Variants in BIRC7 observed in about 807,000 individuals in gnomAD.
BIRC7 encodes the protein baculoviral IAP repeat containing 7.
BIRC7 carries 26 observed loss-of-function variants against 33.2 expected under a neutral mutation model. The observed-to-expected ratio is 0.78, with a 90% CI of 0.57 to 1.09. BIRC7 has a LOEUF of 1.09. Among genes scored for constraint, BIRC7 ranks in the 50% least tolerant of loss-of-function variants. The probability of loss-of-function intolerance (pLI) is 0.00; values close to 1 mark genes in which losing one functional copy is unlikely to be tolerated. For synonymous variants in BIRC7, 176 were observed against 171.0 expected (o/e 1.03, Z -0.23); for missense variants, 409 against 401.2 (o/e 1.02, Z -0.17).
At chr20:63,238,857 A>G in intron 4 of BIRC7, 2 of 642,046 alleles carry the variant, frequency 3.1e-6, no homozygotes. Flanking sequence ...CCTTGGGCAC[A>G]GCCCATTGCC....
At position 63,239,441 on chromosome 20, in the gene BIRC7, C is replaced by T. The variant is rs747763479; in HGVS notation, c.733C>T (p.Arg245Trp). ...CAGGGATGTGGAGGCGCAGCTGCGGCGGCTGCAGGAGGAGAGGACGTGCAA... is the reference window on the plus strand; with the variant it reads ...CAGGGATGTGGAGGCGCAGCTGCGGTGGCTGCAGGAGGAGAGGACGTGCAA... ...GARDVEAQLR[R>W]LQEERTCKVC... Residue 245 changes from arginine to tryptophan, a missense_variant, in exon 6 of 7, where the codon CGG becomes TGG. Arg to Trp is a moderately radical substitution (Grantham distance 101, BLOSUM62 -3). Coordinates refer to ENST00000217169, the MANE Select transcript of BIRC7 (RefSeq NM_139317.3). The T allele has an allele frequency of 2.2e-5, 35 of 1,606,486 alleles. No homozygotes were observed. The highest frequency in any genetic ancestry group is 3.3e-5 in the South Asian group (3 of 91,088).
At chr20:63,238,203 C>A in intron 2 of BIRC7, 193 bp from the exon 3 acceptor site, 1 of 857,564 alleles carries the variant, frequency 1.2e-6, no homozygotes, top group Non-Finnish European at 1.9e-6. Flanking sequence ...CTGCTGGGGG[C>A]AGAAATGCCT....
intron 4 of BIRC7, chr20:63,238,827 T>C: frequency 1.2e-5 from 8 of 674,374 alleles, no homozygotes; most frequent in Non-Finnish European, 2.0e-5. Context: ...GGCCCCATTC[T>C]GCTTCTCTCC....
chr20:63,237,773 C>T, intron 1 of BIRC7, 130 bp from the exon 2 acceptor site: 1 of 698,842 alleles, frequency 1.4e-6, no homozygotes, highest in South Asian at 2.3e-5. Context: ...AGCCCCCTGC[C>T]CACCCCCTCC....
chr20:63,238,923 G>T, intron 4 of BIRC7: 1 of 627,318 alleles, frequency 1.6e-6, no homozygotes, highest in Non-Finnish European at 2.8e-6. Flanking sequence ...GCTACTGCCA[G>T]ATGGGCAGGA....
chr20:63,238,735 T>C, intron 4 of BIRC7, 121 bp downstream of exon 4: 1 of 1,375,652 alleles, frequency 7.3e-7, no homozygotes. Context: ...TGACAGGGTG[T>C]GACGCTGCTG....
In BIRC7 at chr20:63,237,867, G is replaced by A. The variant is rs1301153415; in HGVS notation, c.350-36G>A. 6 of 1,559,266 alleles carry A rather than the reference G, an allele frequency of 3.8e-6. No homozygotes were observed. The Admixed American group carries it at 1.0e-4, about 26-fold the overall frequency. On this transcript the variant is annotated intron_variant, in intron 1 of 6. Coordinates refer to ENST00000217169, the MANE Select transcript of BIRC7 (RefSeq NM_139317.3). ...ACACCGGGGGCCCGGGGACTGGGTGGGACTTGGCTGGGGCCAGCATCTCTC... is the reference window on the plus strand; with the variant it reads ...ACACCGGGGGCCCGGGGACTGGGTGAGACTTGGCTGGGGCCAGCATCTCTC...
intron 6 of BIRC7, among the ~76,000 whole-genome samples, 188 bp from the exon 7 acceptor site, chr20:63,240,068 T>C (rs986347548): frequency 6.6e-6 from 1 of 152,208 alleles, no homozygotes; most frequent in African/African-American, 2.4e-5. Context: ...GGATACCCCA[T>C]ACTGGCCGAG....
intron 1 of BIRC7, 111 bp from the exon 2 acceptor site, chr20:63,237,792 G>T: frequency 6.2e-4 from 358 of 572,972 alleles, no homozygotes; most frequent in Non-Finnish European, 8.0e-4. Context: ...CCTCCTTCTT[G>T]CCACCTGGGA....
At chr20:63,239,083 C>A (rs564468759) in intron 4 of BIRC7, 79 bp from the exon 5 acceptor site, 1 of 1,453,568 alleles carries the variant, frequency 6.9e-7, no homozygotes, top group East Asian at 2.3e-5. Flanking sequence ...CTGGACCCCA[C>A]AGGCTGCAGA....
intron 1 of BIRC7, 73 bp from the exon 2 acceptor site, chr20:63,237,830 C>T: frequency 7.4e-7 from 1 of 1,357,728 alleles, no homozygotes; most frequent in Non-Finnish European, 1.0e-6. Context: ...GCTCTCATAG[C>T]CTTGGAAGGA....
At chr20:63,238,719 G>A (rs2066708321) in intron 4 of BIRC7, 105 bp downstream of exon 4, 1 of 1,470,248 alleles carries the variant, frequency 6.8e-7, no homozygotes, top group African/African-American at 1.4e-5. Flanking sequence ...GAGAGTGACG[G>A]GCACGTGACA....
rs1423080399 is a variant in BIRC7, at chr20:63,239,185, C to T, written c.601C>T (p.Leu201=). ...AGTCCCTGCCTCTGGGTACCCTGAG[C>T]TGCCCACACCCAGGAGAGAGGTCCA... ...PSVPASGYPE[L]PTPRREVQSE... The change falls in exon 5 of 7, where the codon CTG becomes TTG. Residue 201 remains leucine, a synonymous_variant. Coordinates refer to ENST00000217169, the MANE Select transcript of BIRC7 (RefSeq NM_139317.3). 1 of 1,612,812 alleles carries T rather than the reference C, an allele frequency of 6.2e-7. No homozygotes were observed. The highest frequency in any genetic ancestry group is 1.1e-5 in the South Asian group (1 of 91,078).
In BIRC7 at chr20:63,238,489, C is replaced by T; in HGVS notation, c.531+12C>T. The T allele has an allele frequency of 1.2e-6, 2 of 1,612,974 alleles. No homozygotes were observed. The highest frequency in any genetic ancestry group is 1.7e-6 in the Non-Finnish European group (2 of 1,179,900). ...TGCTGGGCTCCTGGGTGAGCGCCACCTCTCCTCGGGGCTCCGGGTGGCAGT... is the reference window on the plus strand; with the variant it reads ...TGCTGGGCTCCTGGGTGAGCGCCACTTCTCCTCGGGGCTCCGGGTGGCAGT... On this transcript the variant is annotated intron_variant, in intron 3 of 6. Transcript: ENST00000217169.
chr20:63,236,551 A>G (rs904002019), intron 1 of BIRC7, 106 bp downstream of exon 1: 3 of 1,417,520 alleles, frequency 2.1e-6, no homozygotes, highest in Admixed American at 2.7e-5. Flanking sequence ...CCCAACAGGA[A>G]GGGTCTGGCC....
Position 63,239,359 on chromosome 20 carries a change from AG to A in BIRC7, c.655del (p.Val219SerfsTer144), listed in dbSNP as rs761721684. The A allele has an allele frequency of 1.7e-5, 27 of 1,602,874 alleles. No individual in the cohort carries two copies. The highest frequency in any genetic ancestry group is 1.7e-4 in the Middle Eastern group (1 of 6,050). On this transcript the variant is annotated frameshift_variant and splice_region_variant, in exon 6 of 7. Coordinates refer to ENST00000217169, the MANE Select transcript of BIRC7 (RefSeq NM_139317.3). LOFTEE classifies it high-confidence loss of function. ...CATTTCGCAGGCCTGTCCTCCTAGG[AG>A]GGGTCAGTCCAGCCGAGGCCCAGAG... is the stretch of plus-strand genomic sequence containing the variant. ...VQSESAQEPG[G>X]VSPAEAQRAW... is the part of the protein sequence containing the mutation.
intron 6 of BIRC7, among the ~76,000 whole-genome samples, chr20:63,240,044 T>TA (rs1374511241): frequency 6.6e-6 from 1 of 152,224 alleles, no homozygotes; most frequent in African/African-American, 2.4e-5. Flanking sequence ...AACCTGTTCT[T>TA]AGAGAAGTGG....
chr20:63,236,639 C>T (rs1469622991), intron 1 of BIRC7, among the ~76,000 whole-genome samples, 194 bp downstream of exon 1: 3 of 152,246 alleles, frequency 2.0e-5, no homozygotes, highest in African/African-American at 4.8e-5. Context: ...GGAGTCTCTG[C>T]TGGCTGAGTG....
chr20:63,238,290 A>C, intron 2 of BIRC7, 106 bp from the exon 3 acceptor site: 1 of 1,356,262 alleles, frequency 7.4e-7, no homozygotes, highest in Non-Finnish European at 1.0e-6. Context: ...CGGGCACTGC[A>C]GGGTGGCGGG....
Sources: allele counts gnomAD v4.1 joint callset (sites outside exome capture counted in the v4.1 genomes callset), GRCh38; gene constraint gnomAD v4.1.1; transcripts MANE v1.5; gene names NCBI Gene and HGNC (gene_info 2026-07-23, HGNC 2026-07-21).